GPR158: variants seen among roughly 807,000 people sequenced by gnomAD.
GPR158 encodes G protein-coupled receptor 158, also known as metabotropic glycine receptor.
In GPR158, 30 loss-of-function variants were observed where a neutral mutation model predicts 78.2. The ratio of observed to expected loss-of-function variants is 0.38; its 90% CI spans 0.29 to 0.52. The LOEUF is 0.52. GPR158 is among the 20% of genes least tolerant of loss of function. The pLI is 0.83. For missense variants in GPR158, 1,463 were observed against 1,523.5 expected (o/e 0.96, Z 0.66); for synonymous variants, 581 against 591.1 (o/e 0.98, Z 0.25).
At chr10:25,372,750 C>T (rs113307609) in intron 2 of GPR158, among the ~76,000 whole-genome samples, 21,666 of 146,288 alleles carry the variant, frequency 0.15, 1,960 homozygotes, top group African/African-American at 0.23. Flanking sequence ...GGAGATATAC[C>T]TAATGCTAGA....
At chr10:25,433,002 G>T (rs964679903) in intron 4 of GPR158, among the ~76,000 whole-genome samples, 2 of 152,144 alleles carry the variant, frequency 1.3e-5, no homozygotes, top group African/African-American at 4.8e-5. Context: ...ACAGTATCAC[G>T]TATAGTGAAT....
At chr10:25,178,591 A>G (rs1475374950) in intron 1 of GPR158, among the ~76,000 whole-genome samples, 5 of 152,192 alleles carry the variant, frequency 3.3e-5, no homozygotes, top group Admixed American at 2.6e-4. Flanking sequence ...AAGTGCCTTT[A>G]TAGACAAAGA....
chr10:25,177,544 G>A (rs1014265440), intron 1 of GPR158, among the ~76,000 whole-genome samples: 2 of 152,168 alleles, frequency 1.3e-5, no homozygotes, highest in African/African-American at 2.4e-5. Context: ...GCCAGATCAA[G>A]TACTGGGTGG....
At chr10:25,243,513 C>T (rs563030778) in intron 2 of GPR158, among the ~76,000 whole-genome samples, 70 of 152,230 alleles carry the variant, frequency 4.6e-4, no homozygotes, top group African/African-American at 1.6e-3. Flanking sequence ...TAGTTGAATG[C>T]CTGTGATCTG....
At chr10:25,416,582 C>T (rs1564449132) in intron 4 of GPR158, among the ~76,000 whole-genome samples, 1 of 149,850 alleles carries the variant, frequency 6.7e-6, no homozygotes, top group Non-Finnish European at 1.5e-5. Flanking sequence ...ACACATACTC[C>T]TTCTTGTGTT....
rs75137045 is a variant in GPR158, at chr10:25,271,307, A to G, written c.1008+50150A>G. 8.5e-5 allele frequency among the ~76,000 whole-genome samples: 13 copies of G among 152,306 alleles called. No homozygotes were observed. The East Asian group carries it at 2.5e-3, about 29-fold the overall frequency. ...AAAATTTTTAATTATGTATTTATTT[A>G]TGCAATGATTTTTACTTATGTCTGT... On this transcript the variant is annotated intron_variant, in intron 2 of 10. Coordinates refer to ENST00000376351, the MANE Select transcript of GPR158 (RefSeq NM_020752.3).
chr10:25,189,822 A>G (rs1852746369), intron 1 of GPR158, among the ~76,000 whole-genome samples: 1 of 146,412 alleles, frequency 6.8e-6, no homozygotes, highest in African/African-American at 2.6e-5. Context: ...AAAAGAGAAA[A>G]GAAAGGAAAG....
At chr10:25,242,891 A>G (rs1183449698) in intron 2 of GPR158, among the ~76,000 whole-genome samples, 1 of 152,216 alleles carries the variant, frequency 6.6e-6, no homozygotes, top group African/African-American at 2.4e-5. Flanking sequence ...CCTCTTTCAG[A>G]CATGGGTCTA....
At chr10:25,589,726 C>G (rs1375623406) in intron 8 of GPR158, among the ~76,000 whole-genome samples, 3 of 152,048 alleles carry the variant, frequency 2.0e-5, no homozygotes, top group Non-Finnish European at 2.9e-5. Context: ...TGTGATCATC[C>G]CAGGTTTCTC....
At chr10:25,569,348 C>G (rs74126217) in intron 6 of GPR158, among the ~76,000 whole-genome samples, 3,214 of 152,210 alleles carry the variant, frequency 0.021, 107 homozygotes, top group African/African-American at 0.073. Context: ...AAAAACTTAA[C>G]TGGTTAAGAA....
Position 25,342,758 on chromosome 10 carries a change from A to G in GPR158, c.1009-53153A>G, listed in dbSNP as rs539198018. Among the ~76,000 whole-genome samples, 31 of 151,980 alleles carry G rather than the reference A, an allele frequency of 2.0e-4. No homozygotes were observed. In the East Asian group the frequency reaches 2.7e-3, roughly 13 times the overall value. On this transcript the variant is annotated intron_variant, in intron 2 of 10. Transcript: ENST00000376351. ...TTTGATACATATCAATTATAATGCA[A>G]AAATGAGGACTAAGTTCTTTTTTTT...
In GPR158 at chr10:25,176,351, G is replaced by A. The variant is rs766819620; in HGVS notation, c.902+29G>A. The A allele has an allele frequency of 3.0e-5, 45 of 1,512,420 alleles. No homozygotes were observed. Among genetic ancestry groups the A allele is most frequent in the Admixed American group, 6.2e-5 (3 of 48,700 alleles). 93.7% of individuals were successfully genotyped at this position (1,512,420 alleles called of 1,614,324 possible). On this transcript the variant is annotated intron_variant, in intron 1 of 10. Coordinates refer to ENST00000376351, the MANE Select transcript of GPR158 (RefSeq NM_020752.3). This position sits in a 1 kb window ranked among gnomAD's most constrained non-coding sequence, Gnocchi z 6.3. ...GGGAGGGCCGGGGGGCAGGGGGGAA[G>A]GCAAAAGCGAAGCTTTCCTTCCGGT...
intron 2 of GPR158, 80 bp from the exon 3 acceptor site, chr10:25,395,831 T>C: frequency 1.7e-6 from 1 of 592,258 alleles, no homozygotes; most frequent in Non-Finnish European, 3.1e-6. Flanking sequence ...TGTTACCATT[T>C]GCAATGATGG....
At chr10:25,263,628 G>T (rs1469312149) in intron 2 of GPR158, among the ~76,000 whole-genome samples, 1 of 152,144 alleles carries the variant, frequency 6.6e-6, no homozygotes, top group African/African-American at 2.4e-5. Flanking sequence ...GGCTGTAGGG[G>T]CCATTATATG....
intron 1 of GPR158, among the ~76,000 whole-genome samples, chr10:25,188,735 T>C (rs1852725927): frequency 6.6e-6 from 1 of 152,166 alleles, no homozygotes; most frequent in African/African-American, 2.4e-5. Flanking sequence ...AAGGACTTCA[T>C]GACTAAAACA....
chr10:25,449,653 G>A (rs1282346440), intron 4 of GPR158, among the ~76,000 whole-genome samples: 1 of 152,132 alleles, frequency 6.6e-6, no homozygotes, highest in Non-Finnish European at 1.5e-5. Flanking sequence ...AAAAGTTCAG[G>A]AAAGCTGTTG....
chr10:25,553,614 T>C (rs1836752623), intron 6 of GPR158, among the ~76,000 whole-genome samples: 1 of 152,134 alleles, frequency 6.6e-6, no homozygotes, highest in African/African-American at 2.4e-5. Context: ...TAGTGCTATA[T>C]TTTTCCCATA....
chr10:25,323,264 A>G (rs763250833), intron 2 of GPR158, among the ~76,000 whole-genome samples: 4 of 152,206 alleles, frequency 2.6e-5, no homozygotes, highest in African/African-American at 7.2e-5. Flanking sequence ...TAGAACAGGC[A>G]GAGTCAATTT....
At chr10:25,183,662 CA>C (rs1474693545) in intron 1 of GPR158, among the ~76,000 whole-genome samples, 2 of 152,120 alleles carry the variant, frequency 1.3e-5, no homozygotes, top group African/African-American at 2.4e-5. Context: ...ATGACTAAAA[CA>C]AGACAATGTA....
Sources: gnomAD v4.1 joint callset for allele counts (sites outside exome capture counted in the v4.1 genomes callset) on GRCh38, gnomAD v4.1.1 for gene constraint, Gnocchi (gnomAD v3.1) non-coding constraint, MANE v1.5 for transcripts, NCBI Gene and HGNC (gene_info 2026-07-23, HGNC 2026-07-21) for gene names.